Variants in CYP4B1 observed in about 807,000 individuals in gnomAD.
The protein encoded by CYP4B1 is cytochrome P450 family 4 subfamily B member 1.
Under a neutral mutation model 54.0 loss-of-function variants are expected in CYP4B1, and 45 were observed. The ratio of observed to expected loss-of-function variants is 0.83; its 90% CI spans 0.66 to 1.07. The LOEUF (loss-of-function observed/expected upper bound fraction) is 1.07, where lower values mean the gene tolerates loss of function less well. Among genes scored for constraint, CYP4B1 ranks in the 50% least tolerant of loss-of-function variants. The pLI is 0.00. For synonymous variants in CYP4B1, 248 were observed against 247.5 expected, an observed-to-expected ratio of 1.00 and a Z score of -0.02; for missense variants, 656 against 655.4, an observed-to-expected ratio of 1.00 and a Z score of -0.01.
chr1:46,811,505 C>T (rs565219813), intron 3 of CYP4B1, among the ~76,000 whole-genome samples: 1 of 152,132 alleles, frequency 6.6e-6, no homozygotes, highest in Non-Finnish European at 1.5e-5. Flanking sequence ...TAGTGCTGGC[C>T]AGGGCAAGGG....
intron 1 of CYP4B1, among the ~76,000 whole-genome samples, chr1:46,806,149 C>T (rs1300863675): frequency 6.6e-6 from 1 of 152,218 alleles, no homozygotes; most frequent in Non-Finnish European, 1.5e-5. Context: ...GATGTTTGAG[C>T]ACTTGGGCAG....
intron 9 of CYP4B1, 142 bp from the exon 10 acceptor site, chr1:46,817,823 G>C: frequency 1.4e-6 from 1 of 719,018 alleles, no homozygotes; most frequent in Non-Finnish European, 2.5e-6. Context: ...AGTCGGATGT[G>C]GTCATGAACG....
chr1:46,814,499 C>T (rs1220215682), intron 7 of CYP4B1, among the ~76,000 whole-genome samples, 184 bp downstream of exon 7: 1 of 152,052 alleles, frequency 6.6e-6, no homozygotes, highest in Non-Finnish European at 1.5e-5. Context: ...GGTGTGTGTG[C>T]CTGAGCTGTG....
At chr1:46,818,521 C>T (rs1679428195) in intron 11 of CYP4B1, 110 bp from the exon 12 acceptor site, 3 of 1,148,966 alleles carry the variant, frequency 2.6e-6, no homozygotes, top group Non-Finnish European at 3.8e-6. Context: ...ATCTATCAGC[C>T]AGTTATTCAT....
chr1:46,814,301 C>A lies in CYP4B1; in HGVS notation c.868C>A (p.Leu290Ile). The A allele has an allele frequency of 6.2e-7, 1 of 1,613,638 alleles. No homozygotes were observed. The highest frequency in any genetic ancestry group is 2.2e-5 in the East Asian group (1 of 44,846). ...NRRHLDFLDI[L>I]LGARDEDDIK... is the part of the protein sequence containing the mutation. ...GAGGCACCTGGACTTCCTGGACATT[C>A]TCCTGGGTGCCCGGGTGAGTACATT... Residue 290 changes from leucine to isoleucine, a missense_variant, in exon 7 of 12, where the codon CTC becomes ATC. Leu to Ile is a conservative substitution (Grantham distance 5). Transcript: ENST00000371923.
intron 1 of CYP4B1, among the ~76,000 whole-genome samples, chr1:46,806,060 C>T (rs59186786): frequency 1.0e-3 from 152 of 152,292 alleles, no homozygotes; most frequent in African/African-American, 3.2e-3. Context: ...TTCACTTTAG[C>T]GACTAAGAAG....
At position 46,818,146 on chromosome 1, in the gene CYP4B1, C is replaced by T. The variant is rs115133540; in HGVS notation, c.1288C>T (p.Arg430Cys). 275 of 1,614,124 alleles carry T rather than the reference C, an allele frequency of 1.7e-4. No individual in the cohort carries two copies. In the African/African-American group the frequency reaches 1.7e-3, roughly 10 times the overall value. Residue 430 changes from arginine to cysteine, a missense_variant, in exon 11 of 12, where the codon CGC (arginine) becomes TGC (cysteine). Coordinates refer to ENST00000371923, the MANE Select transcript of CYP4B1 (RefSeq NM_001099772.2). ...GTCCCTTCAGGTCTTTGACTCTCTG[C>T]GCTTTTCCACTGAGAATGCATCCAA... The part of the protein sequence containing the change: ...WPDPEVFDSL[R>C]FSTENASKRH...
At chr1:46,804,314 C>T (rs45548536) in intron 1 of CYP4B1, among the ~76,000 whole-genome samples, 5,449 of 151,970 alleles carry the variant, frequency 0.036, 133 homozygotes, top group South Asian at 0.055. Context: ...GGGGCCATCA[C>T]AAGGAATTGG....
chr1:46,813,153 C>G (rs886112039), intron 4 of CYP4B1, among the ~76,000 whole-genome samples: 59 of 152,320 alleles, frequency 3.9e-4, no homozygotes, highest in African/African-American at 1.3e-3. Flanking sequence ...TCCAGGATTA[C>G]TTACATATAC....
intron 4 of CYP4B1, 92 bp downstream of exon 4, chr1:46,812,715 T>C (rs935621889): frequency 2.1e-5 from 31 of 1,446,500 alleles, no homozygotes; most frequent in Non-Finnish European, 2.8e-5. Flanking sequence ...TAGGTGGTGC[T>C]CTGCAGTAAG....
chr1:46,817,136 C>G lies in CYP4B1; in HGVS notation c.1162C>G (p.Leu388Val), dbSNP rs1679366787. 2 of 1,614,086 alleles carry G rather than the reference C, an allele frequency of 1.2e-6. No homozygotes were observed. The highest frequency in any genetic ancestry group is 1.7e-6 in the Non-Finnish European group (2 of 1,180,032). Residue 388 changes from leucine (L) to valine (V), a missense_variant, in exon 9 of 12, where the codon CTC becomes GTC. Physicochemically the swap from Leu to Val is conservative, Grantham distance 32. Coordinates refer to ENST00000371923, the MANE Select transcript of CYP4B1 (RefSeq NM_001099772.2). ...YPPVPQVYRQ[L>V]SKPVTFVDGR... is the part of the protein sequence containing the mutation. Reference sequence around the variant, plus strand: ...ACCTGTGCCCCAGGTGTACCGCCAGCTCAGCAAGCCTGTCACCTTTGTGGA... The same window carrying G: ...ACCTGTGCCCCAGGTGTACCGCCAGGTCAGCAAGCCTGTCACCTTTGTGGA...
intron 8 of CYP4B1, 24 bp from the exon 9 acceptor site, chr1:46,817,024 A>G: frequency 6.2e-7 from 1 of 1,610,780 alleles, no homozygotes; most frequent in Non-Finnish European, 8.5e-7. Context: ...CATTCCAAGA[A>G]TGTTCTGGTT....
chr1:46,812,494 A>T lies in CYP4B1; in HGVS notation c.368-2A>T, dbSNP rs1183710801. Reference sequence around the variant, plus strand: ...GCCCTCTCTCTCCCATCCCTTCCCCAGGGAGAGGCCTGCTGGTTCTTGAGG... The same window carrying T: ...GCCCTCTCTCTCCCATCCCTTCCCCTGGGAGAGGCCTGCTGGTTCTTGAGG... On this transcript the variant is annotated splice_acceptor_variant, in intron 3 of 11. Coordinates refer to ENST00000371923, the MANE Select transcript of CYP4B1 (RefSeq NM_001099772.2). LOFTEE classifies it high-confidence loss of function. 1 of 1,611,274 alleles carries T rather than the reference A, an allele frequency of 6.2e-7. No individual in the cohort carries two copies. Among genetic ancestry groups the T allele is most frequent in the African/African-American group, 1.3e-5 (1 of 74,952 alleles).
chr1:46,812,770 GCCAAA>G, intron 4 of CYP4B1, 147 bp downstream of exon 4: 3 of 910,070 alleles, frequency 3.3e-6, no homozygotes, highest in East Asian at 2.5e-5. Flanking sequence ...CAACAGCAGT[GCCAAA>G]GCCCTGCTCT....
At chr1:46,799,562 A>G (rs987716326) in intron 1 of CYP4B1, among the ~76,000 whole-genome samples, 1 of 152,276 alleles carries the variant, frequency 6.6e-6, no homozygotes, top group African/African-American at 2.4e-5. Context: ...CAGCAATGAC[A>G]GAAAGGCAAT....
intron 1 of CYP4B1, among the ~76,000 whole-genome samples, chr1:46,801,360 T>A (rs1227553588): frequency 6.6e-6 from 1 of 152,204 alleles, no homozygotes; most frequent in Non-Finnish European, 1.5e-5. Flanking sequence ...GTGTTTGCCC[T>A]CAGCCAGGGA....
chr1:46,812,733 G>C, intron 4 of CYP4B1, 110 bp downstream of exon 4: 1 of 1,300,088 alleles, frequency 7.7e-7, no homozygotes, highest in Admixed American at 2.0e-5. Context: ...AAGGAGAATA[G>C]CTGAGCCCCA....
At chr1:46,816,713 A>C (rs191502559) in intron 8 of CYP4B1, among the ~76,000 whole-genome samples, 2 of 152,120 alleles carry the variant, frequency 1.3e-5, no homozygotes, top group Non-Finnish European at 2.9e-5. Flanking sequence ...CTGAAACCTA[A>C]AGAACTGTCC....
intron 1 of CYP4B1, among the ~76,000 whole-genome samples, chr1:46,808,291 T>A (rs1031256089): frequency 1.3e-5 from 2 of 152,120 alleles, no homozygotes; most frequent in Non-Finnish European, 2.9e-5. Flanking sequence ...TTTCTCCACA[T>A]CCTCTCCAGC....
Sources: gnomAD v4.1 joint callset for allele counts (sites outside exome capture counted in the v4.1 genomes callset) on GRCh38, gnomAD v4.1.1 for gene constraint, MANE v1.5 for transcripts, NCBI Gene and HGNC (gene_info 2026-07-23, HGNC 2026-07-21) for gene names.